The following AIG1 variants were observed in gnomAD, a reference collection of about 807,000 sequenced individuals.
The protein encoded by AIG1 is androgen-induced gene 1 protein.
Under a neutral mutation model 31.4 loss-of-function variants are expected in AIG1, and 23 were observed. That is an observed-to-expected ratio of 0.73 (90% CI 0.53 to 1.04). The LOEUF (loss-of-function observed/expected upper bound fraction) is 1.04, where lower values mean the gene tolerates loss of function less well. Among genes scored for constraint, AIG1 ranks in the 50% least tolerant of loss-of-function variants. The pLI, the probability that AIG1 is intolerant of heterozygous loss-of-function variation, is 0.00. For missense variants in AIG1, 274 were observed against 295.0 expected (o/e 0.93, Z 0.52); for synonymous variants, 100 against 110.5 (o/e 0.90, Z 0.60).
chr6:143,069,631 A>C (rs1242115266), intron 1 of AIG1, among the ~76,000 whole-genome samples: 1 of 152,096 alleles, frequency 6.6e-6, no homozygotes, highest in Non-Finnish European at 1.5e-5. Context: ...TTCTTTGTGA[A>C]GTTTGCCCAT....
At chr6:143,107,242 T>A (rs1249141721) in intron 1 of AIG1, among the ~76,000 whole-genome samples, 1 of 152,216 alleles carries the variant, frequency 6.6e-6, no homozygotes, top group African/African-American at 2.4e-5. Context: ...AGAATTTGAT[T>A]AAGATTTTCT....
intron 3 of AIG1, among the ~76,000 whole-genome samples, chr6:143,174,773 G>T (rs1787977939): frequency 6.6e-6 from 1 of 152,086 alleles, no homozygotes; most frequent in Admixed American, 6.5e-5. Flanking sequence ...GCCATTTTGT[G>T]TCTTTTAAGT....
chr6:143,248,792 C>T (rs1794786612), intron 3 of AIG1, among the ~76,000 whole-genome samples: 1 of 152,206 alleles, frequency 6.6e-6, no homozygotes. Context: ...CAGAGTAAGG[C>T]ATGAGCAACC....
chr6:143,195,244 G>T (rs1156926027), intron 3 of AIG1, among the ~76,000 whole-genome samples: 1 of 152,164 alleles, frequency 6.6e-6, no homozygotes, highest in Admixed American at 6.5e-5. Context: ...TTTACATATA[G>T]CTGGAAGAGG....
intron 1 of AIG1, among the ~76,000 whole-genome samples, chr6:143,083,520 G>C (rs1778479199): frequency 2.0e-5 from 3 of 152,168 alleles, no homozygotes; most frequent in African/African-American, 4.8e-5. Context: ...TGGGAAAGTG[G>C]AGTATAAGGG....
chr6:143,061,319 G>A (rs1025495141), intron 1 of AIG1: 4 of 619,782 alleles, frequency 6.5e-6, no homozygotes, highest in Non-Finnish European at 1.2e-5. Flanking sequence ...GACAAATGGA[G>A]GTGGGGCGCA....
At chr6:143,134,166 A>G (rs1035965480) in intron 1 of AIG1, among the ~76,000 whole-genome samples, 1 of 152,036 alleles carries the variant, frequency 6.6e-6, no homozygotes, top group Non-Finnish European at 1.5e-5. Context: ...AATCAATTTC[A>G]GTATGCCAAA....
chr6:143,341,316 T>C (rs1242114938), downstream of AIG1, among the ~76,000 whole-genome samples: 2 of 152,132 alleles, frequency 1.3e-5, no homozygotes, highest in Admixed American at 6.5e-5. Flanking sequence ...CCAGAGTTGG[T>C]TTCCATCACA....
chr6:143,178,722 T>G (rs989507774), intron 3 of AIG1, among the ~76,000 whole-genome samples: 4 of 152,218 alleles, frequency 2.6e-5, no homozygotes, highest in South Asian at 4.1e-4. Context: ...AGGAGGTGAA[T>G]GCTGAGTACC....
intron 3 of AIG1, among the ~76,000 whole-genome samples, chr6:143,220,647 A>G (rs1268761617): frequency 3.9e-5 from 6 of 152,182 alleles, no homozygotes; most frequent in Non-Finnish European, 1.5e-5. Flanking sequence ...TTCAACTGTC[A>G]TCAATGTTTA....
At chr6:143,301,705 GC>G (rs781310567) in intron 4 of AIG1, among the ~76,000 whole-genome samples, 5 of 152,084 alleles carry the variant, frequency 3.3e-5, no homozygotes, top group African/African-American at 4.8e-5. Flanking sequence ...GGGGGAAACT[GC>G]CCCCATGATT....
intron 3 of AIG1, among the ~76,000 whole-genome samples, chr6:143,171,480 AT>A (rs1178093414): frequency 1.6e-5 from 2 of 122,128 alleles, no homozygotes; most frequent in African/African-American, 6.7e-5. Context: ...TATATATAAT[AT>A]ATATTAAATA....
intron 3 of AIG1, among the ~76,000 whole-genome samples, chr6:143,260,771 A>G (rs934548890): frequency 2.5e-4 from 38 of 152,216 alleles, no homozygotes; most frequent in African/African-American, 8.0e-4. Context: ...CCAAGGTCAC[A>G]AAGCTAGTGA....
At chr6:143,147,918 C>G (rs1229018141) in intron 2 of AIG1, among the ~76,000 whole-genome samples, 2 of 152,162 alleles carry the variant, frequency 1.3e-5, no homozygotes, top group Non-Finnish European at 2.9e-5. Flanking sequence ...AAGGGCTATA[C>G]TGGAACGATT....
At chr6:143,126,056 A>G (rs985226220) in intron 1 of AIG1, among the ~76,000 whole-genome samples, 5 of 152,216 alleles carry the variant, frequency 3.3e-5, no homozygotes, top group African/African-American at 1.2e-4. Context: ...TTTCCTTGAA[A>G]AAGCTTGGGC....
intron 3 of AIG1, among the ~76,000 whole-genome samples, chr6:143,281,566 A>G (rs1425380769): frequency 6.6e-6 from 1 of 152,202 alleles, no homozygotes; most frequent in Non-Finnish European, 1.5e-5. Context: ...GTTATAACTC[A>G]ACTGCTAAAG....
chr6:143,215,608 G>A (rs1229310406), intron 3 of AIG1, among the ~76,000 whole-genome samples: 2 of 151,982 alleles, frequency 1.3e-5, no homozygotes, highest in South Asian at 2.1e-4. Flanking sequence ...CTCTTTCTTC[G>A]GGCCTGGATT....
rs1341025329 is a variant in AIG1 at position 143,327,213 on chromosome 6, T to C, written c.516-6069T>C. The C allele has an allele frequency of 5.9e-6, 1 of 170,844 alleles. No individual in the cohort carries two copies. Among genetic ancestry groups the C allele is most frequent in the African/African-American group, 2.4e-5 (1 of 41,608 alleles). The allele number at this position is 170,844 out of a possible 1,614,324, so 10.6% of individuals were successfully genotyped here. ...AGAGAGATGTAAGGGGTAACCTTGA[T>C]AAGACAAGCTAATGGATTGGACAAT... On this transcript the variant is annotated intron_variant, in intron 4 of 5. Transcript: ENST00000357847. The surrounding 1 kb of genome is among the most constrained non-coding windows in gnomAD (Gnocchi z 5.3).
intron 3 of AIG1, among the ~76,000 whole-genome samples, chr6:143,183,529 C>T (rs1418742272): frequency 6.6e-6 from 1 of 152,162 alleles, no homozygotes. Context: ...CATGCCATCA[C>T]AAATCCCTCT....
Sources: gnomAD v4.1 joint callset for allele counts (sites outside exome capture counted in the v4.1 genomes callset) on GRCh38, gnomAD v4.1.1 for gene constraint, Gnocchi (gnomAD v3.1) non-coding constraint, MANE v1.5 for transcripts, NCBI Gene and HGNC (gene_info 2026-07-23, HGNC 2026-07-21) for gene names.